LDB2: variants seen among roughly 807,000 people sequenced by gnomAD.
LDB2 encodes LIM domain binding 2, also known as LIM domain-binding protein 2.
A neutral mutation model predicts 44.3 loss-of-function variants in LDB2; 12 were observed. The observed-to-expected ratio is 0.27, with a 90% CI of 0.17 to 0.44. The LOEUF (loss-of-function observed/expected upper bound fraction) is 0.44. LDB2 is among the 20% of genes least tolerant of loss of function. The pLI, the probability that LDB2 is intolerant of heterozygous loss-of-function variation, is 1.00. For missense variants in LDB2, 344 were observed against 473.5 expected (o/e 0.73, Z 2.54); for synonymous variants, 164 against 174.8 (o/e 0.94, Z 0.49).
intron 1 of LDB2, among the ~76,000 whole-genome samples, chr4:16,870,889 C>T (rs1335886111): frequency 1.3e-5 from 2 of 152,172 alleles, no homozygotes; most frequent in African/African-American, 2.4e-5. Context: ...CCACCTCGGC[C>T]TCCCAAAGTG....
chr4:16,563,429 A>ATTTTT lies in LDB2; in HGVS notation c.615+22488_615+22492dup, dbSNP rs1169491759. On this transcript the variant is annotated intron_variant, in intron 5 of 7. Transcript: ENST00000304523. Reference sequence around the variant, plus strand: ...TCAAAACCATCTCATCAGTCATCAGATTTTTTTTTTTTTTTTTTTTTTTTT... The same window carrying ATTTTT: ...TCAAAACCATCTCATCAGTCATCAGATTTTTTTTTTTTTTTTTTTTTTTTTTTTTT... Among the ~76,000 whole-genome samples, 10 of 46,576 alleles carry ATTTTT rather than the reference A, an allele frequency of 2.1e-4. 4 individuals are homozygous for ATTTTT. Among genetic ancestry groups the ATTTTT allele is most frequent in the South Asian group, 1.6e-3 (2 of 1,214 alleles). 30.6% of individuals were successfully genotyped at this position (46,576 alleles called of 152,430 possible).
At chr4:16,739,696 ACATATATG>A (rs1762779581) in intron 2 of LDB2, among the ~76,000 whole-genome samples, 2 of 86,010 alleles carry the variant, frequency 2.3e-5, no homozygotes, top group Admixed American at 1.3e-4. Flanking sequence ...ATGTATATAT[ACATATATG>A]TGTATATATG....
rs772603752 is a variant in LDB2, at chr4:16,502,545, A to C, written c.*98T>G. The C allele has an allele frequency of 2.5e-4, 370 of 1,463,506 alleles. No individual in the cohort carries two copies. The highest frequency in any genetic ancestry group is 3.1e-4 in the Non-Finnish European group (330 of 1,067,756). The allele number at this position is 1,463,506 out of a possible 1,614,324, so 90.7% of individuals were successfully genotyped here. On this transcript the variant is annotated 3_prime_UTR_variant, in exon 8 of 8. Transcript: ENST00000304523. ...TTAGAAATAGATATTTGCATGGAAA[A>C]GTTTTTATCTCTTCTGTTTCCTCTC...
chr4:16,626,550 C>T (rs1250382044), intron 2 of LDB2, among the ~76,000 whole-genome samples: 1 of 152,204 alleles, frequency 6.6e-6, no homozygotes, highest in Admixed American at 6.5e-5. Flanking sequence ...TAGCCAGGTT[C>T]TCACAGAGAA....
chr4:16,828,767 G>A (rs2110029664), intron 1 of LDB2, among the ~76,000 whole-genome samples: 1 of 152,276 alleles, frequency 6.6e-6, no homozygotes, highest in Non-Finnish European at 1.5e-5. Context: ...GTGACTTAAG[G>A]AGCCAAAGGG....
intron 2 of LDB2, among the ~76,000 whole-genome samples, chr4:16,616,666 T>G (rs1727423476): frequency 1.5e-5 from 2 of 131,200 alleles, no homozygotes; most frequent in Admixed American, 8.0e-5. Context: ...TGGTGCTGTA[T>G]GACTCTGCAT....
chr4:16,527,631 CCAGCA>C, intron 5 of LDB2, among the ~76,000 whole-genome samples: 1 of 152,204 alleles, frequency 6.6e-6, no homozygotes, highest in East Asian at 1.9e-4. Context: ...CATGTTTAGA[CCAGCA>C]CAATTTGCAA....
chr4:16,697,783 C>T (rs1383898421), intron 2 of LDB2, among the ~76,000 whole-genome samples: 1 of 152,178 alleles, frequency 6.6e-6, no homozygotes, highest in Non-Finnish European at 1.5e-5. Context: ...AGTTCCTGCT[C>T]TGATCAAGTT....
intron 1 of LDB2, among the ~76,000 whole-genome samples, chr4:16,879,943 A>G (rs1229068445): frequency 2.0e-5 from 3 of 152,132 alleles, no homozygotes; most frequent in Admixed American, 2.0e-4. Context: ...CTTGGTGTCC[A>G]ACTCTCTTTA....
At chr4:16,526,559 T>C (rs1032441917) in intron 5 of LDB2, among the ~76,000 whole-genome samples, 4 of 152,238 alleles carry the variant, frequency 2.6e-5, no homozygotes, top group African/African-American at 9.6e-5. Context: ...CTATCATCTA[T>C]CATCTATATA....
chr4:16,841,005 C>G (rs965922313), intron 1 of LDB2, among the ~76,000 whole-genome samples: 2 of 152,138 alleles, frequency 1.3e-5, no homozygotes, highest in Non-Finnish European at 2.9e-5. Flanking sequence ...CAGTGTTTCC[C>G]CCGTCTCTGC....
At chr4:16,678,604 G>T (rs1192637971) in intron 2 of LDB2, among the ~76,000 whole-genome samples, 1 of 152,180 alleles carries the variant, frequency 6.6e-6, no homozygotes, top group Non-Finnish European at 1.5e-5. Context: ...TGTGGAATCA[G>T]CTATTTGATA....
intron 1 of LDB2, among the ~76,000 whole-genome samples, chr4:16,882,056 G>A (rs767832785): frequency 6.6e-6 from 1 of 152,168 alleles, no homozygotes; most frequent in Non-Finnish European, 1.5e-5. Context: ...GTGTATGCAC[G>A]TGTGTGCATG....
rs1780382569 is a variant in LDB2, at chr4:16,813,878, T to TTTTC, written c.133-54619_133-54618insGAAA. 3.2e-5 allele frequency among the ~76,000 whole-genome samples: 4 copies of TTTTC among 126,208 alleles called. No homozygotes were observed. In the South Asian group the frequency reaches 1.2e-3, roughly 37 times the overall value. 82.8% of individuals were successfully genotyped at this position (126,208 alleles called of 152,430 possible). ...ACTGATTTTCTTTTCTTTTCTTTTCTTTTTTTTTTTTTGAGAGGAGTCTGG... is the reference window on the plus strand; with the variant it reads ...ACTGATTTTCTTTTCTTTTCTTTTCTTTTCTTTTTTTTTTTTGAGAGGAGTCTGG... On this transcript the variant is annotated intron_variant, in intron 1 of 7. Coordinates refer to ENST00000304523, the MANE Select transcript of LDB2 (RefSeq NM_001290.5).
At chr4:16,664,138 G>T (rs1742374531) in intron 2 of LDB2, among the ~76,000 whole-genome samples, 1 of 152,126 alleles carries the variant, frequency 6.6e-6, no homozygotes, top group Admixed American at 6.5e-5. Flanking sequence ...TAGGAGGCTG[G>T]GTCTTTGGGA....
intron 2 of LDB2, among the ~76,000 whole-genome samples, chr4:16,672,389 G>T (rs566071672): frequency 1.3e-5 from 2 of 152,310 alleles, no homozygotes; most frequent in South Asian, 4.1e-4. Flanking sequence ...AAAAAAGCTG[G>T]AGAGGAGCTG....
intron 2 of LDB2, among the ~76,000 whole-genome samples, chr4:16,678,417 T>C (rs1352717646): frequency 1.3e-5 from 2 of 152,218 alleles, no homozygotes. Flanking sequence ...GTTCATCAAG[T>C]GTCTGATTTA....
intron 5 of LDB2, among the ~76,000 whole-genome samples, chr4:16,568,937 T>C (rs1190034923): frequency 3.3e-5 from 5 of 152,242 alleles, no homozygotes; most frequent in African/African-American, 4.8e-5. Flanking sequence ...TTATCTTTCC[T>C]GCCTTCTGTT....
At chr4:16,575,494 A>G (rs1017983525) in intron 5 of LDB2, among the ~76,000 whole-genome samples, 1 of 152,254 alleles carries the variant, frequency 6.6e-6, no homozygotes, top group Non-Finnish European at 1.5e-5. Context: ...CAAAGGCTGT[A>G]GAATGCACAT....
Sources: allele counts gnomAD v4.1 joint callset (sites outside exome capture counted in the v4.1 genomes callset), GRCh38; gene constraint gnomAD v4.1.1; transcripts MANE v1.5; gene names NCBI Gene and HGNC (gene_info 2026-07-23, HGNC 2026-07-21).